Variants in RFTN1 observed in about 807,000 individuals in gnomAD.
RFTN1 encodes raftlin, lipid raft linker 1, also known as raftlin.
A neutral mutation model predicts 46.5 loss-of-function variants in RFTN1; 26 were observed. That is an observed-to-expected ratio of 0.56 (90% CI 0.41 to 0.78). The LOEUF (loss-of-function observed/expected upper bound fraction) is 0.78, where lower values mean the gene tolerates loss of function less well. Among genes scored for constraint, RFTN1 ranks in the 30% least tolerant of loss-of-function variants. RFTN1 has a pLI of 0.00. For missense variants in RFTN1, 693 were observed against 718.7 expected (o/e 0.96, Z 0.41); for synonymous variants, 261 against 284.2 (o/e 0.92, Z 0.82).
intron 2 of RFTN1, among the ~76,000 whole-genome samples, chr3:16,482,114 T>C (rs1430501537): frequency 6.6e-6 from 1 of 152,168 alleles, no homozygotes; most frequent in African/African-American, 2.4e-5. Context: ...AGCATGACCC[T>C]TAATGTGGCT....
At position 16,326,886 on chromosome 3, in the gene RFTN1, C is replaced by T; in HGVS notation, c.1147-10G>A. On this transcript the variant is annotated splice_polypyrimidine_tract_variant and intron_variant, in intron 7 of 9. Transcript: ENST00000334133. ...TCTGCACTTCGACACCCTGGGGGAA[C>T]AAGGCCAGCATTAGGGCTGCTGCTG... 6.2e-7 allele frequency: 1 copy of T among 1,609,630 alleles called. No homozygotes were observed. The highest frequency in any genetic ancestry group is 8.5e-7 in the Non-Finnish European group (1 of 1,177,356).
Position 16,383,076 on chromosome 3 carries a change from G to A in RFTN1, c.442-4974C>T, listed in dbSNP as rs2074049228. On this transcript the variant is annotated intron_variant, in intron 4 of 9. Transcript: ENST00000334133. This position sits in a 1 kb window ranked among gnomAD's most constrained non-coding sequence, Gnocchi z 4.0. ...TTAGGCCTCAAAATCATACCTTACA[G>A]AAGAGAAAACTGCTTAAGACATTCT... Among the ~76,000 whole-genome samples, 1 of 152,134 alleles carries A rather than the reference G, an allele frequency of 6.6e-6. No individual in the cohort carries two copies. The highest frequency in any genetic ancestry group is 2.4e-5 in the African/African-American group (1 of 41,426).
At chr3:16,482,651 C>G (rs984336329) in intron 2 of RFTN1, 34 of 1,085,436 alleles carry the variant, frequency 3.1e-5, no homozygotes, top group Non-Finnish European at 4.5e-5. Context: ...TTTGTAAAAT[C>G]AAGATCTCTA....
intron 2 of RFTN1, among the ~76,000 whole-genome samples, chr3:16,485,371 A>G (rs746333671): frequency 3.9e-5 from 6 of 152,244 alleles, no homozygotes; most frequent in African/African-American, 7.2e-5. Context: ...GACTCCATAC[A>G]TACAACAGCA....
intron 9 of RFTN1, among the ~76,000 whole-genome samples, chr3:16,318,902 A>G (rs1189105255): frequency 2.6e-5 from 4 of 152,202 alleles, no homozygotes; most frequent in Non-Finnish European, 5.9e-5. Context: ...ATCACTCTGT[A>G]GGCTAAGTGG....
rs1156899890 is a variant in RFTN1, at chr3:16,381,143, C to A, written c.442-3041G>T. 2.0e-5 allele frequency among the ~76,000 whole-genome samples: 3 copies of A among 152,150 alleles called. No homozygotes were observed. The highest frequency in any genetic ancestry group is 2.9e-5 in the Non-Finnish European group (2 of 68,008). On this transcript the variant is annotated intron_variant, in intron 4 of 9. Transcript: ENST00000334133. This position sits in a 1 kb window ranked among gnomAD's most constrained non-coding sequence, Gnocchi z 4.2. ...AAATGACATATAAAAAGTCAAGATTCTAAACTTCATACACTTTATTATGAC... is the reference window on the plus strand; with the variant it reads ...AAATGACATATAAAAAGTCAAGATTATAAACTTCATACACTTTATTATGAC...
chr3:16,342,780 C>T lies in RFTN1; in HGVS notation c.1146+15152G>A, dbSNP rs1426996328. Among the ~76,000 whole-genome samples, 3 of 152,190 alleles carry T rather than the reference C, an allele frequency of 2.0e-5. No homozygotes were observed. The highest frequency in any genetic ancestry group is 4.4e-5 in the Non-Finnish European group (3 of 68,028). On this transcript the variant is annotated intron_variant, in intron 7 of 9. Transcript: ENST00000334133. This position sits in a 1 kb window ranked among gnomAD's most constrained non-coding sequence, Gnocchi z 4.0. ...AAAAGCTCTGTGTCAACATGCATGC[C>T]CAGCTTATTCAAGTTGGAAGGGGTC...
intron 5 of RFTN1, among the ~76,000 whole-genome samples, chr3:16,372,762 A>G (rs73041424): frequency 0.031 from 4,704 of 152,340 alleles, 101 homozygotes; most frequent in Middle Eastern, 0.078. Flanking sequence ...CCCTCAGAAA[A>G]GGTAGACGGT....
chr3:16,482,935 C>A lies in RFTN1; in HGVS notation c.145+10790G>T, dbSNP rs1021824753. 17 of 1,010,730 alleles carry A rather than the reference C, an allele frequency of 1.7e-5. 1 individual carries two copies. The South Asian group carries it at 2.5e-4, about 15-fold the overall frequency. 62.6% of individuals were successfully genotyped at this position (1,010,730 alleles called of 1,614,324 possible). A position where few individuals can be genotyped will look rare whatever the true frequency, so the allele number is the denominator to read the frequency against. On this transcript the variant is annotated intron_variant, in intron 2 of 9. Transcript: ENST00000334133. ...AAAGTCCCGCCCCACCCAACTCTGA[C>A]CCTGGGGCCTCTTGCAGCAGTATCA...
chr3:16,433,184 T>TAAAA lies in RFTN1; in HGVS notation c.332+666_332+667insTTTT, dbSNP rs371307870. 1.9e-5 allele frequency among the ~76,000 whole-genome samples: 2 copies of TAAAA among 106,358 alleles called. No homozygotes were observed. Among genetic ancestry groups the TAAAA allele is most frequent in the East Asian group, 3.5e-4 (1 of 2,884 alleles). The allele number at this position is 106,358 out of a possible 152,430, so 69.8% of individuals were successfully genotyped here. A position where few individuals can be genotyped will look rare whatever the true frequency, so the allele number is the denominator to read the frequency against. On this transcript the variant is annotated intron_variant, in intron 3 of 9. Coordinates refer to ENST00000334133, the MANE Select transcript of RFTN1 (RefSeq NM_015150.2). The surrounding 1 kb of genome is among the most constrained non-coding windows in gnomAD (Gnocchi z 4.4). Reference sequence around the variant, plus strand: ...ATCCCATCCTCACTGTTTTTTTTTTTTAAAAAAATTAATATTGTTCCTTTT... The same window carrying TAAAA: ...ATCCCATCCTCACTGTTTTTTTTTTTAAAATAAAAAAATTAATATTGTTCCTTTT...
rs1341895736 is a variant in RFTN1 at position 16,404,321 on chromosome 3, AATATATAATATATAAT to A, written c.441+5038_441+5053del. 3.1e-4 allele frequency among the ~76,000 whole-genome samples: 7 copies of A among 22,580 alleles called. 2 individuals are homozygous for A. Among genetic ancestry groups the A allele is most frequent in the Non-Finnish European group, 3.9e-4 (5 of 12,746 alleles). The allele number at this position is 22,580 out of a possible 152,430, so 14.8% of individuals were successfully genotyped here. Reference sequence around the variant, plus strand: ...ATAATATGTAATATATATTATATATAATATATAATATATAATATATATAATATATAATATATATACA... The same window carrying A: ...ATAATATGTAATATATATTATATATAATATATAATATATAATATATATACA... On this transcript the variant is annotated intron_variant, in intron 4 of 9. Transcript: ENST00000334133.
At position 16,337,755 on chromosome 3, in the gene RFTN1, AAAG is replaced by A. The variant is rs1315805257; in HGVS notation, c.1147-10882_1147-10880del. Reference sequence around the variant, plus strand: ...GACTCCATCTCAAAAAAAAAAAAAAAAAGAAAAGAAAGTCACCTCATTTGATTT... The same window carrying A: ...GACTCCATCTCAAAAAAAAAAAAAAAAAAAGAAAGTCACCTCATTTGATTT... On this transcript the variant is annotated intron_variant, in intron 7 of 9. Transcript: ENST00000334133. The surrounding 1 kb of genome is among the most constrained non-coding windows in gnomAD (Gnocchi z 5.0). Among the ~76,000 whole-genome samples, 12 of 151,948 alleles carry A rather than the reference AAAG, an allele frequency of 7.9e-5. No individual in the cohort carries two copies. Among genetic ancestry groups the A allele is most frequent in the African/African-American group, 1.7e-4 (7 of 41,436 alleles).
At chr3:16,378,188 G>A in intron 4 of RFTN1, 86 bp from the exon 5 acceptor site, 1 of 1,157,536 alleles carries the variant, frequency 8.6e-7, no homozygotes, top group Non-Finnish European at 1.2e-6. Flanking sequence ...GCCTCCCCGA[G>A]GCCTGCGAGG....
At chr3:16,396,188 G>T (rs1281482395) in intron 4 of RFTN1, among the ~76,000 whole-genome samples, 1 of 152,146 alleles carries the variant, frequency 6.6e-6, no homozygotes, top group Non-Finnish European at 1.5e-5. Context: ...TTGAAGATCT[G>T]ATTAACAGCT....
rs4685343 is a variant in RFTN1 at position 16,512,462 on chromosome 3, G to A, written c.-9+980C>T. On this transcript the variant is annotated intron_variant, in intron 1 of 9. Coordinates refer to ENST00000334133, the MANE Select transcript of RFTN1 (RefSeq NM_015150.2). This position sits in a 1 kb window ranked among gnomAD's most constrained non-coding sequence, Gnocchi z 4.3. ...TCTTGTTTGTTTGTTTTAAGCCCCC[G>A]AAGAAACTCACTGACACCACCCAGC... Among the ~76,000 whole-genome samples the A allele has an allele frequency of 0.55, 83,836 of 151,310 alleles. 24,524 individuals carry two copies. Among genetic ancestry groups the A allele is most frequent in the African/African-American group, 0.74 (30,563 of 41,142 alleles).
intron 2 of RFTN1, among the ~76,000 whole-genome samples, chr3:16,461,705 C>T (rs1210715222): frequency 6.6e-6 from 1 of 152,214 alleles, no homozygotes; most frequent in East Asian, 1.9e-4. Context: ...ATCTGGCAGG[C>T]AGGGTCTAAA....
chr3:16,417,743 C>G (rs935123388), intron 3 of RFTN1, among the ~76,000 whole-genome samples: 1 of 152,200 alleles, frequency 6.6e-6, no homozygotes, highest in Non-Finnish European at 1.5e-5. Context: ...CTTTCTGAAA[C>G]CAAAGCACAT....
intron 4 of RFTN1, among the ~76,000 whole-genome samples, chr3:16,399,606 C>A (rs1322132541): frequency 6.6e-6 from 1 of 152,174 alleles, no homozygotes; most frequent in Non-Finnish European, 1.5e-5. Flanking sequence ...CTGGAATTCC[C>A]CTGGGCTCAG....
Position 16,328,872 on chromosome 3 carries a change from C to CT in RFTN1, c.1147-1997dup, listed in dbSNP as rs1482225796. On this transcript the variant is annotated intron_variant, in intron 7 of 9. Coordinates refer to ENST00000334133, the MANE Select transcript of RFTN1 (RefSeq NM_015150.2). Reference sequence around the variant, plus strand: ...CTATCAGCTGTTGCCTCAAATCTAACTTTTTCCCATCATTCTCCATGAGAA... The same window carrying CT: ...CTATCAGCTGTTGCCTCAAATCTAACTTTTTTCCCATCATTCTCCATGAGAA... Among the ~76,000 whole-genome samples the CT allele has an allele frequency of 1.2e-4, 18 of 152,230 alleles. 1 individual carries two copies. Among genetic ancestry groups the CT allele is most frequent in the Admixed American group, 1.2e-3 (18 of 15,286 alleles).
Sources: gnomAD v4.1 joint callset for allele counts (sites outside exome capture counted in the v4.1 genomes callset) on GRCh38, gnomAD v4.1.1 for gene constraint, Gnocchi (gnomAD v3.1) non-coding constraint, MANE v1.5 for transcripts, NCBI Gene and HGNC (gene_info 2026-07-23, HGNC 2026-07-21) for gene names.